The following EMILIN2 variants were observed in gnomAD, a reference collection of about 807,000 sequenced individuals.
The protein encoded by EMILIN2 is elastin microfibril interfacer 2.
EMILIN2 carries 71 observed loss-of-function variants against 87.1 expected under a neutral mutation model. The ratio of observed to expected loss-of-function variants is 0.82; its 90% CI spans 0.67 to 0.99. The LOEUF is 0.99. Among genes scored for constraint, EMILIN2 ranks in the 50% least tolerant of loss-of-function variants. The pLI is 0.00. For missense variants in EMILIN2, 1,407 were observed against 1,371.8 expected (o/e 1.03, Z -0.40); for synonymous variants, 581 against 563.4 (o/e 1.03, Z -0.44).
intron 3 of EMILIN2, among the ~76,000 whole-genome samples, chr18:2,889,359 A>G (rs1171737624): frequency 6.6e-6 from 1 of 151,706 alleles, no homozygotes; most frequent in East Asian, 1.9e-4. Flanking sequence ...GCTGGTCTTG[A>G]ACTCCTATCC....
chr18:2,854,422 G>A (rs1199145089), intron 2 of EMILIN2, among the ~76,000 whole-genome samples: 4 of 151,852 alleles, frequency 2.6e-5, no homozygotes, highest in African/African-American at 9.7e-5. Flanking sequence ...GGGAGCAGAT[G>A]GTTGTTCAGT....
intron 4 of EMILIN2, among the ~76,000 whole-genome samples, chr18:2,901,923 C>T (rs1237452311): frequency 6.6e-6 from 1 of 152,182 alleles, no homozygotes; most frequent in Non-Finnish European, 1.5e-5. Context: ...TATGATGTGG[C>T]GGGCTGCTTT....
At chr18:2,911,881 G>A (rs979400362) in intron 7 of EMILIN2, among the ~76,000 whole-genome samples, 6 of 138,294 alleles carry the variant, frequency 4.3e-5, no homozygotes, top group African/African-American at 1.3e-4. Flanking sequence ...CACTCAAAAC[G>A]CCAGGGCTGG....
At chr18:2,855,525 G>A (rs1202356459) in intron 2 of EMILIN2, among the ~76,000 whole-genome samples, 1 of 152,222 alleles carries the variant, frequency 6.6e-6, no homozygotes, top group African/African-American at 2.4e-5. Flanking sequence ...GTCTTCCTCT[G>A]TTGATGTGTT....
At chr18:2,867,497 G>GCCTT (rs2076692488) in intron 2 of EMILIN2, among the ~76,000 whole-genome samples, 1 of 152,126 alleles carries the variant, frequency 6.6e-6, no homozygotes, top group Non-Finnish European at 1.5e-5. Context: ...GGACCCTGCG[G>GCCTT]CCTTCCGCAG....
rs1215553430 is a variant in EMILIN2, at chr18:2,891,543, G to A, written c.1416G>A (p.Glu472=). Residue 472 remains glutamate, a synonymous_variant, in exon 4 of 8, where the codon GAG becomes GAA. Coordinates refer to ENST00000254528, the MANE Select transcript of EMILIN2 (RefSeq NM_032048.3). The surrounding 1 kb of genome is among the most constrained non-coding windows in gnomAD (Gnocchi z 4.6). The part of the protein sequence containing the change: ...KNAEEHCFYI[E]ETLRGAINGE... ...CTGAAGAACATTGCTTTTACATTGA[G>A]GAAACCCTTCGGGGCGCCATTAATG... 1 of 1,614,146 alleles carries A rather than the reference G, an allele frequency of 6.2e-7. No homozygotes were observed. The highest frequency in any genetic ancestry group is 1.7e-5 in the Admixed American group (1 of 60,020).
intron 4 of EMILIN2, among the ~76,000 whole-genome samples, chr18:2,905,089 G>A (rs932740652): frequency 1.3e-5 from 2 of 152,108 alleles, no homozygotes; most frequent in Non-Finnish European, 2.9e-5. Context: ...CTAAAGAGAT[G>A]TAAATCCTGA....
chr18:2,875,894 G>C (rs2076744830), intron 2 of EMILIN2, among the ~76,000 whole-genome samples: 1 of 152,046 alleles, frequency 6.6e-6, no homozygotes, highest in African/African-American at 2.4e-5. Flanking sequence ...TTTGGGATAT[G>C]AGGGGTGATA....
At chr18:2,876,562 C>G (rs1196515666) in intron 2 of EMILIN2, among the ~76,000 whole-genome samples, 1 of 131,972 alleles carries the variant, frequency 7.6e-6, no homozygotes, top group South Asian at 3.3e-4. Flanking sequence ...GTCAGGAGAT[C>G]GAGACCATCC....
intron 4 of EMILIN2, among the ~76,000 whole-genome samples, chr18:2,898,173 A>T (rs1280970186): frequency 6.6e-6 from 1 of 152,134 alleles, no homozygotes; most frequent in African/African-American, 2.4e-5. Context: ...AGTCTGAGTG[A>T]CCCATGAGTG....
At chr18:2,865,965 T>C (rs1223837763) in intron 2 of EMILIN2, among the ~76,000 whole-genome samples, 2 of 152,222 alleles carry the variant, frequency 1.3e-5, no homozygotes, top group African/African-American at 4.8e-5. Context: ...CAGACTGCTG[T>C]GCTAGCAATG....
chr18:2,851,202 C>T (rs141871310), intron 2 of EMILIN2, among the ~76,000 whole-genome samples: 8 of 151,384 alleles, frequency 5.3e-5, no homozygotes, highest in Non-Finnish European at 7.4e-5. Flanking sequence ...TTTTGGGAGG[C>T]TGAGGCGGGA....
At chr18:2,888,166 A>G (rs1391980073) in intron 3 of EMILIN2, among the ~76,000 whole-genome samples, 1 of 152,102 alleles carries the variant, frequency 6.6e-6, no homozygotes. Flanking sequence ...TTTTGCACTC[A>G]TTTCTGATTA....
chr18:2,896,158 T>C (rs1243692078), intron 4 of EMILIN2, among the ~76,000 whole-genome samples: 1 of 152,022 alleles, frequency 6.6e-6, no homozygotes. Context: ...ATATTGCATA[T>C]ATATAATGAA....
At chr18:2,897,623 T>G (rs575092803) in intron 4 of EMILIN2, among the ~76,000 whole-genome samples, 5 of 152,300 alleles carry the variant, frequency 3.3e-5, no homozygotes, top group Non-Finnish European at 7.4e-5. Flanking sequence ...CCCAACACTT[T>G]GGGAGGCCAA....
At chr18:2,868,277 G>T (rs1464752880) in intron 2 of EMILIN2, among the ~76,000 whole-genome samples, 5 of 151,814 alleles carry the variant, frequency 3.3e-5, no homozygotes, top group Non-Finnish European at 2.9e-5. Context: ...TTCCTAGATG[G>T]GATGGCGGCG....
intron 4 of EMILIN2, among the ~76,000 whole-genome samples, chr18:2,905,748 G>A (rs895529140): frequency 5.3e-5 from 8 of 150,150 alleles, no homozygotes; most frequent in Non-Finnish European, 1.2e-4. Context: ...GATTACAGGT[G>A]CGCTCCACTA....
At chr18:2,909,903 C>T (rs1171674465) in intron 7 of EMILIN2, 84 bp downstream of exon 7, 1 of 1,567,832 alleles carries the variant, frequency 6.4e-7, no homozygotes, top group East Asian at 2.3e-5. Flanking sequence ...TGGCTGGTTC[C>T]CAGCGTCCCG....
rs963186082 is a variant in EMILIN2 at position 2,868,959 on chromosome 18, T to G, written c.258-16005T>G. Among the ~76,000 whole-genome samples the G allele has an allele frequency of 2.9e-3, 447 of 152,232 alleles. 5 individuals carry two copies. Among genetic ancestry groups the G allele is most frequent in the African/African-American group, 0.01 (419 of 41,548 alleles). On this transcript the variant is annotated intron_variant, in intron 2 of 7. Transcript: ENST00000254528. ...CAATATGTCAGTTTGAAGGGAGTTT[T>G]TTTTTTTTTTAATCCTGTTTGGCTT...
Sources: allele counts gnomAD v4.1 joint callset (sites outside exome capture counted in the v4.1 genomes callset), GRCh38; gene constraint gnomAD v4.1.1; non-coding constraint Gnocchi (gnomAD v3.1); transcripts MANE v1.5; gene names NCBI Gene and HGNC (gene_info 2026-07-23, HGNC 2026-07-21).